RIC1: variants seen among roughly 807,000 people sequenced by gnomAD.
The protein encoded by RIC1 is RIC1 partner of RAB6A GEF complex, also known as guanine nucleotide exchange factor subunit RIC1.
In RIC1, 88 loss-of-function variants were observed where a neutral mutation model predicts 169.0. The observed-to-expected ratio is 0.52, with a 90% CI of 0.44 to 0.62. The LOEUF is 0.62. Among genes scored for constraint, RIC1 ranks in the 20% least tolerant of loss-of-function variants. The pLI is 0.00. For synonymous variants in RIC1, 790 were observed against 601.5 expected (o/e 1.31, Z -4.59); for missense variants, 1,877 against 1,725.5 (o/e 1.09, Z -1.56).
Position 5,763,289 on chromosome 9 carries a change from T to C in RIC1, c.2262T>C (p.Pro754=), listed in dbSNP as rs1826460220. The change falls in exon 19 of 26, where the codon CCT becomes CCC. Residue 754 remains proline (P), a synonymous_variant. Coordinates refer to ENST00000414202, the MANE Select transcript of RIC1 (RefSeq NM_020829.4). The surrounding 1 kb of genome is among the most constrained non-coding windows in gnomAD (Gnocchi z 5.2). The part of the protein sequence containing the change: ...AGMKVWLPLF[P]RDHRKPHSFL... ...TGAAAGTTTGGCTCCCTCTCTTCCC[T>C]AGGGATCACCGCAAGCCCCATTCCT... is the stretch of plus-strand genomic sequence containing the variant. The C allele has an allele frequency of 6.2e-7, 1 of 1,614,052 alleles. No homozygotes were observed. The highest frequency in any genetic ancestry group is 1.7e-5 in the Admixed American group (1 of 60,006).
intron 3 of RIC1, among the ~76,000 whole-genome samples, chr9:5,693,730 A>C (rs888903654): frequency 6.6e-5 from 10 of 152,152 alleles, no homozygotes; most frequent in African/African-American, 2.4e-4. Flanking sequence ...AGTTTAGTAG[A>C]TTTCTAAATT....
At chr9:5,711,569 T>TA (rs1822926955) in intron 3 of RIC1, among the ~76,000 whole-genome samples, 12 of 149,812 alleles carry the variant, frequency 8.0e-5, no homozygotes, top group Admixed American at 7.3e-4. Context: ...TATCTTTATT[T>TA]TATATATATA....
At chr9:5,730,366 T>G (rs1261936805) in intron 6 of RIC1, among the ~76,000 whole-genome samples, 2 of 152,148 alleles carry the variant, frequency 1.3e-5, no homozygotes, top group Non-Finnish European at 2.9e-5. Flanking sequence ...AGCCCAATAT[T>G]TAAGCCTACA....
chr9:5,658,785 T>C (rs192118821), intron 2 of RIC1, among the ~76,000 whole-genome samples: 5 of 152,002 alleles, frequency 3.3e-5, no homozygotes, highest in African/African-American at 9.6e-5. Context: ...ACAGCTGTTA[T>C]GGCTTGGGTA....
chr9:5,672,657 G>A (rs1820178155), intron 2 of RIC1, among the ~76,000 whole-genome samples: 1 of 152,156 alleles, frequency 6.6e-6, no homozygotes, highest in Non-Finnish European at 1.5e-5. Flanking sequence ...GGAAATAATA[G>A]AAGAAACTTA....
At chr9:5,745,750 A>C (rs1469234062) in intron 10 of RIC1, among the ~76,000 whole-genome samples, 181 bp from the exon 11 acceptor site, 1 of 152,186 alleles carries the variant, frequency 6.6e-6, no homozygotes, top group Non-Finnish European at 1.5e-5. Context: ...TTTCCTCTGG[A>C]GTTAGTTAAG....
At chr9:5,778,580 A>C (rs562773917), downstream of RIC1, among the ~76,000 whole-genome samples, 1 of 152,364 alleles carries the variant, frequency 6.6e-6, no homozygotes, top group South Asian at 2.1e-4. Flanking sequence ...TCTTTTACAA[A>C]AATCCAAATC....
At chr9:5,680,649 G>A (rs1820762637) in intron 2 of RIC1, among the ~76,000 whole-genome samples, 1 of 151,918 alleles carries the variant, frequency 6.6e-6, no homozygotes, top group Non-Finnish European at 1.5e-5. Context: ...GGTGTTTATG[G>A]TATTCTCTGA....
rs1300588906 is a variant in RIC1 at position 5,774,504 on chromosome 9, G to A, written c.*258G>A. On this transcript the variant is annotated 3_prime_UTR_variant, in exon 26 of 26. Coordinates refer to ENST00000414202, the MANE Select transcript of RIC1 (RefSeq NM_020829.4). Reference sequence around the variant, plus strand: ...GTACAGATGTACATGAGAATATTTTGGTTTTACTCAAAGGTTGGTAGCTCT... The same window carrying A: ...GTACAGATGTACATGAGAATATTTTAGTTTTACTCAAAGGTTGGTAGCTCT... 2 of 294,264 alleles carry A rather than the reference G, an allele frequency of 6.8e-6. No homozygotes were observed. Among genetic ancestry groups the A allele is most frequent in the South Asian group, 1.4e-4 (1 of 7,360 alleles). The allele number at this position is 294,264 out of a possible 1,614,324, so 18.2% of individuals were successfully genotyped here. A position where few individuals can be genotyped will look rare whatever the true frequency, so the allele number is the denominator to read the frequency against.
intron 2 of RIC1, among the ~76,000 whole-genome samples, chr9:5,676,820 T>C (rs1301453127): frequency 1.3e-5 from 2 of 152,246 alleles, no homozygotes; most frequent in Admixed American, 1.3e-4. Flanking sequence ...TTATTTTTTC[T>C]AGTTTCTCTC....
Position 5,773,957 on chromosome 9 carries a change from G to C in RIC1, c.3984-1G>C. Reference sequence around the variant, plus strand: ...AGCTAATGTTTTTTTTCTCTACATAGTCCTGGATATAAGCCATTTTTAAAC... The same window carrying C: ...AGCTAATGTTTTTTTTCTCTACATACTCCTGGATATAAGCCATTTTTAAAC... On this transcript the variant is annotated splice_acceptor_variant, in intron 25 of 25. Transcript: ENST00000414202. LOFTEE classifies it high-confidence loss of function. 1 of 1,594,160 alleles carries C rather than the reference G, an allele frequency of 6.3e-7. No individual in the cohort carries two copies. Among genetic ancestry groups the C allele is most frequent in the Non-Finnish European group, 8.5e-7 (1 of 1,171,420 alleles).
intron 3 of RIC1, among the ~76,000 whole-genome samples, chr9:5,693,417 G>T (rs1821701176): frequency 1.3e-5 from 2 of 152,068 alleles, no homozygotes; most frequent in Admixed American, 1.3e-4. Flanking sequence ...TCCTTCTATA[G>T]ATGTTGGGAG....
At chr9:5,706,360 G>C (rs779704516) in intron 3 of RIC1, among the ~76,000 whole-genome samples, 20 of 152,212 alleles carry the variant, frequency 1.3e-4, no homozygotes, top group Non-Finnish European at 2.2e-4. Context: ...GCTAAGGCAG[G>C]AGAATTGCTT....
intron 2 of RIC1, among the ~76,000 whole-genome samples, chr9:5,662,627 G>C (rs1819522852): frequency 6.6e-6 from 1 of 152,128 alleles, no homozygotes; most frequent in Non-Finnish European, 1.5e-5. Flanking sequence ...AATGTGCATT[G>C]ATGCATTTAT....
intron 12 of RIC1, among the ~76,000 whole-genome samples, chr9:5,752,727 C>T (rs1587114294): frequency 6.6e-6 from 1 of 152,296 alleles, no homozygotes; most frequent in Middle Eastern, 3.4e-3. Flanking sequence ...TGAGCAACCA[C>T]ACCTGGCCTA....
chr9:5,710,861 A>G lies in RIC1; in HGVS notation c.333-3035A>G, dbSNP rs529072929. On this transcript the variant is annotated intron_variant, in intron 3 of 25. Transcript: ENST00000414202. Reference sequence around the variant, plus strand: ...AAGCATTGAAAGAAACAGTTGAGGAACTTTCCCTGGATATAGAATAAAAGA... The same window carrying G: ...AAGCATTGAAAGAAACAGTTGAGGAGCTTTCCCTGGATATAGAATAAAAGA... Among the ~76,000 whole-genome samples the G allele has an allele frequency of 2.6e-5, 4 of 152,258 alleles. No homozygotes were observed. In the East Asian group the frequency reaches 5.8e-4, roughly 22 times the overall value.
At chr9:5,640,973 G>C (rs986464490) in intron 1 of RIC1, among the ~76,000 whole-genome samples, 3 of 152,188 alleles carry the variant, frequency 2.0e-5, no homozygotes, top group South Asian at 2.1e-4. Flanking sequence ...TGCTGTCAGA[G>C]ATATTGGAGC....
At chr9:5,688,678 A>G (rs191262426) in intron 2 of RIC1, among the ~76,000 whole-genome samples, 1 of 152,214 alleles carries the variant, frequency 6.6e-6, no homozygotes, top group East Asian at 1.9e-4. Flanking sequence ...GTCAAAAAGA[A>G]AGCAAACCAC....
At chr9:5,681,877 T>G (rs1820864329) in intron 2 of RIC1, among the ~76,000 whole-genome samples, 1 of 152,240 alleles carries the variant, frequency 6.6e-6, no homozygotes, top group Non-Finnish European at 1.5e-5. Flanking sequence ...GATAGTTAGC[T>G]CTTCTTGTTG....
Sources: gnomAD v4.1 joint callset for allele counts (sites outside exome capture counted in the v4.1 genomes callset) on GRCh38, gnomAD v4.1.1 for gene constraint, Gnocchi (gnomAD v3.1) non-coding constraint, MANE v1.5 for transcripts, NCBI Gene and HGNC (gene_info 2026-07-23, HGNC 2026-07-21) for gene names.